TAOK3: variants seen among roughly 807,000 people sequenced by gnomAD.
TAOK3 encodes TAO kinase 3, also known as serine/threonine-protein kinase TAO3.
TAOK3 carries 40 observed loss-of-function variants against 120.4 expected under a neutral mutation model. The observed-to-expected ratio is 0.33, with a 90% confidence interval of 0.26 to 0.43. The LOEUF (loss-of-function observed/expected upper bound fraction) is 0.43, where lower values mean the gene tolerates loss of function less well. Among genes scored for constraint, TAOK3 ranks in the 20% least tolerant of loss-of-function variants. The probability of loss-of-function intolerance (pLI) is 1.00; values close to 1 mark genes in which losing one functional copy is unlikely to be tolerated. For synonymous variants in TAOK3, 355 were observed against 387.5 expected (o/e 0.92, Z 0.99); for missense variants, 821 against 1,112.1 (o/e 0.74, Z 3.72).
intron 3 of TAOK3, among the ~76,000 whole-genome samples, chr12:118,253,643 G>A (rs768057292): frequency 2.8e-4 from 42 of 151,852 alleles, no homozygotes; most frequent in Non-Finnish European, 5.0e-4. Context: ...AGGCTGAGGC[G>A]GGAGAATTGC....
chr12:118,329,240 A>G (rs929133380), intron 1 of TAOK3, among the ~76,000 whole-genome samples: 3 of 152,200 alleles, frequency 2.0e-5, no homozygotes, highest in African/African-American at 7.2e-5. Flanking sequence ...TTTAAACTCT[A>G]CATGATGTTT....
intron 2 of TAOK3, among the ~76,000 whole-genome samples, chr12:118,262,349 G>C (rs1040490189): frequency 6.6e-6 from 1 of 151,946 alleles, no homozygotes. Flanking sequence ...CGGGCGTGGT[G>C]GTGGGTACCT....
At chr12:118,200,638 C>T (rs1388241101) in intron 12 of TAOK3, 1 of 152,146 alleles carries the variant, frequency 6.6e-6, no homozygotes, top group Non-Finnish European at 1.5e-5. Context: ...GTTTATAATG[C>T]CAGGACCTTA....
At chr12:118,179,680 T>C (rs930682494) in intron 15 of TAOK3, among the ~76,000 whole-genome samples, 1 of 151,602 alleles carries the variant, frequency 6.6e-6, no homozygotes, top group Admixed American at 6.6e-5. Flanking sequence ...GTCTTGTTCT[T>C]GTTGCCCAGG....
At chr12:118,166,827 T>TATATACACACACACACACACATACAC (rs774334586) in intron 17 of TAOK3, among the ~76,000 whole-genome samples, 1 of 146,622 alleles carries the variant, frequency 6.8e-6, no homozygotes, top group East Asian at 2.0e-4. Context: ...TATATATATA[T>TATATACACACACACACACACATACAC]ACACACACAC....
intron 1 of TAOK3, among the ~76,000 whole-genome samples, chr12:118,281,767 G>GA (rs959683100): frequency 6.7e-6 from 1 of 150,172 alleles, no homozygotes; most frequent in East Asian, 1.9e-4. Flanking sequence ...AAAAAAAAAA[G>GA]AAAAAAATTA....
intron 9 of TAOK3, among the ~76,000 whole-genome samples, chr12:118,223,037 G>C (rs1022981251): frequency 1.3e-5 from 2 of 151,122 alleles, no homozygotes; most frequent in South Asian, 2.1e-4. Context: ...TACCTGAAAA[G>C]GTATAAGGGT....
At chr12:118,241,237 CAA>C (rs947386063) in intron 5 of TAOK3, among the ~76,000 whole-genome samples, 56 of 136,150 alleles carry the variant, frequency 4.1e-4, no homozygotes, top group Non-Finnish European at 2.6e-4. Flanking sequence ...ACATTAAAAA[CAA>C]ACAGATTCAG....
At chr12:118,272,847 C>T (rs1274985171) in intron 1 of TAOK3, among the ~76,000 whole-genome samples, 3 of 151,942 alleles carry the variant, frequency 2.0e-5, no homozygotes, top group Admixed American at 2.0e-4. Flanking sequence ...CATGGTAGCA[C>T]GTGCCTGTAG....
intron 13 of TAOK3, among the ~76,000 whole-genome samples, chr12:118,196,645 A>T (rs972094192): frequency 1.3e-5 from 2 of 152,304 alleles, no homozygotes; most frequent in Middle Eastern, 3.4e-3. Context: ...TTGGGTACTC[A>T]TTTAACTTTC....
chr12:118,288,778 T>C (rs985160715), intron 1 of TAOK3, among the ~76,000 whole-genome samples: 1 of 151,694 alleles, frequency 6.6e-6, no homozygotes, highest in African/African-American at 2.4e-5. Context: ...TATCTGGGTG[T>C]GGCAGCATGC....
chr12:118,215,233 C>T (rs576195621), intron 9 of TAOK3, among the ~76,000 whole-genome samples: 10 of 142,692 alleles, frequency 7.0e-5, no homozygotes, highest in East Asian at 6.5e-4. Flanking sequence ...CGGTGGCTCA[C>T]GCCTGTAATC....
chr12:118,311,993 G>A (rs461499), intron 1 of TAOK3, among the ~76,000 whole-genome samples: 57,039 of 151,932 alleles, frequency 0.38, 11,148 homozygotes, highest in Non-Finnish European at 0.43. Context: ...TGGTGGAGAC[G>A]TGGTAAGGGA....
At chr12:118,181,091 T>C (rs1358188677) in intron 15 of TAOK3, among the ~76,000 whole-genome samples, 3 of 151,804 alleles carry the variant, frequency 2.0e-5, no homozygotes, top group Admixed American at 2.0e-4. Context: ...GTGATCTGCC[T>C]GCCTCGGCCT....
At position 118,162,044 on chromosome 12, in the gene TAOK3, AAG is replaced by A; in HGVS notation, c.1900-19_1900-18del. ...ATTTAGTTCCTGCGTCCAGGAACAA[AAG>A]ATAAACGGAGAGAGGTGAATGGAGA... On this transcript the variant is annotated intron_variant, in intron 17 of 20. Transcript: ENST00000392533. 6.2e-7 allele frequency: 1 copy of A among 1,609,968 alleles called. No homozygotes were observed. Among genetic ancestry groups the A allele is most frequent in the Non-Finnish European group, 8.5e-7 (1 of 1,176,638 alleles).
intron 3 of TAOK3, among the ~76,000 whole-genome samples, chr12:118,251,690 A>C (rs2040759145): frequency 1.3e-5 from 2 of 152,192 alleles, no homozygotes; most frequent in Admixed American, 6.5e-5. Flanking sequence ...CAAATAAACC[A>C]CTAGGTCTTC....
In TAOK3 at chr12:118,181,357, G is replaced by A. The variant is rs1174114556; in HGVS notation, c.1566+14C>T. On this transcript the variant is annotated intron_variant, in intron 15 of 20. Transcript: ENST00000392533. ...GCTTGGTTGTGGCATGAAGGCGTGT[G>A]TGCACATACTGACCTCCTTTTCTAT... 1.9e-6 allele frequency: 3 copies of A among 1,604,588 alleles called. No homozygotes were observed. Among genetic ancestry groups the A allele is most frequent in the African/African-American group, 1.3e-5 (1 of 74,756 alleles).
chr12:118,335,081 G>A (rs535853140), intron 1 of TAOK3, among the ~76,000 whole-genome samples: 1 of 151,966 alleles, frequency 6.6e-6, no homozygotes, highest in East Asian at 1.9e-4. Flanking sequence ...CTACTTGGCA[G>A]GCTGAGGCAG....
intron 3 of TAOK3, among the ~76,000 whole-genome samples, chr12:118,247,476 C>CATATATATATATAT (rs780142969): frequency 1.1e-4 from 17 of 150,924 alleles, no homozygotes; most frequent in Non-Finnish European, 2.1e-4. Context: ...TCAAGATATA[C>CATATATATATATAT]ATATATATAT....
Sources: gnomAD v4.1 joint callset for allele counts (sites outside exome capture counted in the v4.1 genomes callset) on GRCh38, gnomAD v4.1.1 for gene constraint, MANE v1.5 for transcripts, NCBI Gene and HGNC (gene_info 2026-07-23, HGNC 2026-07-21) for gene names.